DENND1B: variants seen among roughly 807,000 people sequenced by gnomAD.
DENND1B encodes the protein DENN domain-containing protein 1B.
Under a neutral mutation model 90.1 loss-of-function variants are expected in DENND1B, and 59 were observed. The observed-to-expected ratio is 0.65, with a 90% confidence interval of 0.53 to 0.81. DENND1B has a LOEUF of 0.81. Ranked by LOEUF, DENND1B falls within the 40% of genes least tolerant of loss-of-function variation. DENND1B has a pLI of 0.00. For missense variants in DENND1B, 862 were observed against 912.6 expected (o/e 0.94, Z 0.71); for synonymous variants, 337 against 324.6 (o/e 1.04, Z -0.41).
chr1:197,587,099 T>C (rs1674766959), intron 14 of DENND1B, among the ~76,000 whole-genome samples: 6 of 152,198 alleles, frequency 3.9e-5, no homozygotes, highest in Admixed American at 3.3e-4. Flanking sequence ...AAACTCGTGT[T>C]AGGAAAATTT....
At chr1:197,610,452 A>C (rs1677079573) in intron 12 of DENND1B, among the ~76,000 whole-genome samples, 1 of 105,334 alleles carries the variant, frequency 9.5e-6, no homozygotes, top group Admixed American at 1.0e-4. Flanking sequence ...TAGAATCATT[A>C]TGCAAAAAAA....
intron 5 of DENND1B, among the ~76,000 whole-genome samples, chr1:197,665,773 A>G (rs1654881162): frequency 6.6e-6 from 1 of 152,146 alleles, no homozygotes; most frequent in Non-Finnish European, 1.5e-5. Context: ...GGATTAAAAG[A>G]CAACTTCAAA....
chr1:197,733,943 C>G (rs1013365767), intron 2 of DENND1B: 2 of 373,300 alleles, frequency 5.4e-6, no homozygotes, highest in African/African-American at 4.4e-5. Context: ...AATACACAGG[C>G]TTATTTATGA....
intron 15 of DENND1B, among the ~76,000 whole-genome samples, chr1:197,575,853 G>A (rs566208342): frequency 5.3e-5 from 8 of 152,300 alleles, no homozygotes; most frequent in African/African-American, 1.9e-4. Flanking sequence ...AACATTGCAT[G>A]TTCTCACTCA....
At chr1:197,772,128 G>A (rs1012993179) in intron 2 of DENND1B, among the ~76,000 whole-genome samples, 7 of 152,234 alleles carry the variant, frequency 4.6e-5, no homozygotes, top group East Asian at 1.9e-4. Flanking sequence ...TGCATTCTGC[G>A]TTCTGGAAAC....
intron 7 of DENND1B, among the ~76,000 whole-genome samples, chr1:197,652,013 C>T (rs1462600567): frequency 6.6e-6 from 1 of 151,948 alleles, no homozygotes; most frequent in Non-Finnish European, 1.5e-5. Flanking sequence ...TTTTAGTTTA[C>T]AATAAAATTT....
At chr1:197,721,778 T>A (rs1661204998) in intron 2 of DENND1B, among the ~76,000 whole-genome samples, 1 of 152,208 alleles carries the variant, frequency 6.6e-6, no homozygotes, top group African/African-American at 2.4e-5. Context: ...GAAAATAATT[T>A]TAGCAAGAAA....
At chr1:197,744,492 TAAAAG>T (rs1663519929) in intron 2 of DENND1B, among the ~76,000 whole-genome samples, 1 of 152,216 alleles carries the variant, frequency 6.6e-6, no homozygotes, top group African/African-American at 2.4e-5. Context: ...AACAATATTT[TAAAAG>T]AAATCTTTTT....
At chr1:197,517,179 G>T (rs1357628500) in intron 20 of DENND1B, among the ~76,000 whole-genome samples, 1 of 151,790 alleles carries the variant, frequency 6.6e-6, no homozygotes, top group Admixed American at 6.6e-5. Flanking sequence ...GTGCTTACTG[G>T]GTGTTTGTGG....
rs115695641 is a variant in DENND1B at position 197,646,103 on chromosome 1, T to C, written c.508-360A>G. On this transcript the variant is annotated intron_variant, in intron 8 of 22. Transcript: ENST00000620048. The stretch of plus-strand genomic sequence containing the variant: ...CAGTATATAGAGACATACACACCTA[T>C]ACATACATATAAACATATATATTAT... 8.4e-3 allele frequency among the ~76,000 whole-genome samples: 1,282 copies of C among 151,998 alleles called. 19 individuals carry two copies. The highest frequency in any genetic ancestry group is 0.028 in the African/African-American group (1,177 of 41,544).
rs1667808579 is a variant in DENND1B at position 197,508,062 on chromosome 1, T to C, written c.*2398A>G. 6.6e-6 allele frequency: 1 copy of C among 151,504 alleles called. No homozygotes were observed. Among genetic ancestry groups the C allele is most frequent in the Non-Finnish European group, 1.5e-5 (1 of 67,690 alleles). 9.4% of individuals were successfully genotyped at this position (151,504 alleles called of 1,614,324 possible). ...TATTATAACCAAACACCTTGAAAGGTGGCTGAAAAGTAGAACAAAATTTGG... is the reference window on the plus strand; with the variant it reads ...TATTATAACCAAACACCTTGAAAGGCGGCTGAAAAGTAGAACAAAATTTGG... On this transcript the variant is annotated 3_prime_UTR_variant, in exon 23 of 23. Transcript: ENST00000620048.
Position 197,506,494 on chromosome 1 carries a change from T to G in DENND1B, c.*3966A>C, listed in dbSNP as rs1287946974. 2.0e-5 allele frequency: 3 copies of G among 151,586 alleles called. No individual in the cohort carries two copies. The highest frequency in any genetic ancestry group is 7.3e-5 in the African/African-American group (3 of 41,374). 9.4% of individuals were successfully genotyped at this position (151,586 alleles called of 1,614,324 possible). Reference sequence around the variant, plus strand: ...ATATCTTAAGATTCAGGGTCTTTTATGTCAAACAAAATGGAATTTGTATAA... The same window carrying G: ...ATATCTTAAGATTCAGGGTCTTTTAGGTCAAACAAAATGGAATTTGTATAA... On this transcript the variant is annotated 3_prime_UTR_variant, in exon 23 of 23. Coordinates refer to ENST00000620048, the MANE Select transcript of DENND1B (RefSeq NM_001195215.2).
Position 197,753,504 on chromosome 1 carries a change from T to C in DENND1B, c.82+19364A>G, listed in dbSNP as rs76042716. Among the ~76,000 whole-genome samples the C allele has an allele frequency of 8.5e-3, 1,291 of 152,094 alleles. 26 individuals carry two copies. The highest frequency in any genetic ancestry group is 0.029 in the African/African-American group (1,185 of 41,378). ...TGTCATTATACTTTTGTCAAACCCA[T>C]ATAATATACAACATGATAAGTGATC... On this transcript the variant is annotated intron_variant, in intron 2 of 22. Coordinates refer to ENST00000620048, the MANE Select transcript of DENND1B (RefSeq NM_001195215.2).
chr1:197,737,370 C>T (rs1472319013), intron 2 of DENND1B, among the ~76,000 whole-genome samples: 2 of 152,198 alleles, frequency 1.3e-5, no homozygotes, highest in Non-Finnish European at 2.9e-5. Flanking sequence ...TTAAAATAAT[C>T]AAAGTATGTC....
At chr1:197,566,693 C>T (rs951922314) in intron 15 of DENND1B, among the ~76,000 whole-genome samples, 23 of 151,858 alleles carry the variant, frequency 1.5e-4, no homozygotes, top group Non-Finnish European at 5.9e-5. Context: ...ACACTTAAAG[C>T]ATGAACCTTG....
chr1:197,774,487 C>A (rs1200752179), intron 1 of DENND1B: 3 of 152,104 alleles, frequency 2.0e-5, no homozygotes, highest in Admixed American at 6.6e-5. Context: ...TGCTTTTTAC[C>A]TAATCTCCTG....
intron 2 of DENND1B, among the ~76,000 whole-genome samples, chr1:197,717,853 C>T (rs1349886981): frequency 6.6e-6 from 1 of 151,840 alleles, no homozygotes; most frequent in Non-Finnish European, 1.5e-5. Context: ...CTCCAATTTG[C>T]ACAAAAGGAT....
At chr1:197,762,359 C>T (rs1310618124) in intron 2 of DENND1B, among the ~76,000 whole-genome samples, 3 of 151,994 alleles carry the variant, frequency 2.0e-5, no homozygotes, top group African/African-American at 2.4e-5. Context: ...CTCTGCCTCG[C>T]GGGTTCACGC....
At position 197,511,962 on chromosome 1, in the gene DENND1B, A is replaced by C; in HGVS notation, c.1599-18T>G. 6.3e-7 allele frequency: 1 copy of C among 1,578,796 alleles called. No homozygotes were observed. The highest frequency in any genetic ancestry group is 8.7e-7 in the Non-Finnish European group (1 of 1,155,674). On this transcript the variant is annotated intron_variant, in intron 21 of 22. Coordinates refer to ENST00000620048, the MANE Select transcript of DENND1B (RefSeq NM_001195215.2). ...AAGATAACCTGAAGAAAAATAAAACACGCAGTAGTAGGTAAATAACCATAT... is the reference window on the plus strand; with the variant it reads ...AAGATAACCTGAAGAAAAATAAAACCCGCAGTAGTAGGTAAATAACCATAT...
Sources: allele counts gnomAD v4.1 joint callset (sites outside exome capture counted in the v4.1 genomes callset), GRCh38; gene constraint gnomAD v4.1.1; transcripts MANE v1.5; gene names NCBI Gene and HGNC (gene_info 2026-07-23, HGNC 2026-07-21).